IQCE: variants seen among roughly 807,000 people sequenced by gnomAD.
The protein encoded by IQCE is IQ motif containing E, also known as IQ domain-containing protein E.
Under a neutral mutation model 96.0 loss-of-function variants are expected in IQCE, and 115 were observed. That is an observed-to-expected ratio of 1.20 (90% confidence interval 1.03 to 1.40). IQCE has a LOEUF of 1.40. Ranked by LOEUF, IQCE falls within the 40% of genes most tolerant of loss-of-function variation. The pLI is 0.00. For missense variants in IQCE, 1,041 were observed against 909.1 expected, an observed-to-expected ratio of 1.15 and a Z score of -1.87; for synonymous variants, 412 against 371.2, an observed-to-expected ratio of 1.11 and a Z score of -1.26.
At chr7:2,596,892 T>A in intron 16 of IQCE, 1 of 442,820 alleles carries the variant, frequency 2.3e-6, no homozygotes, top group Admixed American at 2.5e-5. Context: ...AGCAACTTGT[T>A]GCCACAGCTA....
At chr7:2,577,360 G>A (rs1782218696) in intron 6 of IQCE, among the ~76,000 whole-genome samples, 2 of 144,244 alleles carry the variant, frequency 1.4e-5, no homozygotes, top group African/African-American at 4.9e-5. Context: ...CTGTGCGCGC[G>A]GGGACGTGTG....
intron 16 of IQCE, among the ~76,000 whole-genome samples, chr7:2,595,500 G>T (rs1783956852): frequency 6.7e-6 from 1 of 149,446 alleles, no homozygotes; most frequent in South Asian, 2.1e-4. Context: ...CCCGGCAGGT[G>T]AGCAGGGACC....
At chr7:2,577,570 T>A (rs1444701973) in intron 6 of IQCE, among the ~76,000 whole-genome samples, 5 of 130,980 alleles carry the variant, frequency 3.8e-5, no homozygotes, top group African/African-American at 1.5e-4. Context: ...CGCGGGGACG[T>A]GTGTGCGGCG....
At chr7:2,607,462 T>G (rs569697269) in intron 21 of IQCE, 1 of 1,310,824 alleles carries the variant, frequency 7.6e-7, no homozygotes, top group Admixed American at 4.0e-5. Context: ...GCTGTCTTTA[T>G]TTTTTGCTCT....
intron 8 of IQCE, among the ~76,000 whole-genome samples, chr7:2,578,739 G>A (rs1159868105): frequency 6.6e-6 from 1 of 152,178 alleles, no homozygotes; most frequent in Admixed American, 6.5e-5. Context: ...AGACACTGTA[G>A]GAAAAACCCA....
At chr7:2,591,347 A>G (rs2128459600) in intron 14 of IQCE, among the ~76,000 whole-genome samples, 1 of 152,042 alleles carries the variant, frequency 6.6e-6, no homozygotes, top group South Asian at 2.1e-4. Flanking sequence ...CTGGAGTTCC[A>G]TGACCTGTGG....
chr7:2,564,769 G>A (rs1043811155), intron 1 of IQCE, among the ~76,000 whole-genome samples: 2 of 152,142 alleles, frequency 1.3e-5, no homozygotes, highest in Non-Finnish European at 2.9e-5. Flanking sequence ...TGTGTATTGT[G>A]CTGTTGTTGA....
chr7:2,600,073 C>T (rs1428436407), intron 17 of IQCE, among the ~76,000 whole-genome samples: 4 of 151,884 alleles, frequency 2.6e-5, no homozygotes, highest in South Asian at 2.1e-4. Context: ...GGATTATAGG[C>T]GTGAGCCACT....
intron 1 of IQCE, among the ~76,000 whole-genome samples, chr7:2,560,955 CAAAA>C (rs746886884): frequency 2.7e-4 from 16 of 58,786 alleles, no homozygotes; most frequent in African/African-American, 8.5e-4. Context: ...GACTCTGTCT[CAAAA>C]AAAAAAAAAA....
chr7:2,594,915 T>C lies in IQCE; in HGVS notation c.1379T>C (p.Leu460Pro). 6.2e-7 allele frequency: 1 copy of C among 1,613,800 alleles called. No individual in the cohort carries two copies. Among genetic ancestry groups the C allele is most frequent in the Non-Finnish European group, 8.5e-7 (1 of 1,179,744 alleles). Residue 460 changes from leucine to proline, a missense_variant, in exon 16 of 22, where the codon CTC (leucine) becomes CCC (proline). Leu to Pro is a moderately conservative substitution (Grantham distance 98). Coordinates refer to ENST00000402050, the MANE Select transcript of IQCE (RefSeq NM_152558.5). The stretch of plus-strand genomic sequence containing the variant: ...GAGATTCAGACACTTACCAGCAAGC[T>C]CCAAGAATTGCAAGAAATGAAGAAA... The part of the protein sequence containing the change: ...REEIQTLTSK[L>P]QELQEMKKEE...
intron 1 of IQCE, among the ~76,000 whole-genome samples, chr7:2,565,799 AT>A (rs1219711631): frequency 2.6e-5 from 4 of 152,246 alleles, no homozygotes; most frequent in African/African-American, 9.6e-5. Flanking sequence ...GATATAAAAA[AT>A]GATATAAAAA....
In IQCE at chr7:2,575,683, C is replaced by T. The variant is rs75036051; in HGVS notation, c.465+2195C>T. On this transcript the variant is annotated intron_variant, in intron 6 of 21. Coordinates refer to ENST00000402050, the MANE Select transcript of IQCE (RefSeq NM_152558.5). The stretch of plus-strand genomic sequence containing the variant: ...TCCTGCCTGTCGGTTTCTGCCTTGT[C>T]GGTCTGCTCCTCTCCCTGACCTCTG... Among the ~76,000 whole-genome samples the T allele has an allele frequency of 5.3e-4, 81 of 152,276 alleles. 1 individual carries two copies. The East Asian group carries it at 0.012, about 23-fold the overall frequency.
In IQCE at chr7:2,565,510, T is replaced by G. The variant is rs568890771; in HGVS notation, c.37-1606T>G. Reference sequence around the variant, plus strand: ...AGGTCATTCAAAAAGTCTTCAAGATTTTATTCACAGCAAGGAATAATGACA... The same window carrying G: ...AGGTCATTCAAAAAGTCTTCAAGATGTTATTCACAGCAAGGAATAATGACA... On this transcript the variant is annotated intron_variant, in intron 1 of 21. Coordinates refer to ENST00000402050, the MANE Select transcript of IQCE (RefSeq NM_152558.5). 5.3e-5 allele frequency among the ~76,000 whole-genome samples: 8 copies of G among 152,286 alleles called. No individual in the cohort carries two copies. The South Asian group carries it at 1.7e-3, about 32-fold the overall frequency.
At chr7:2,591,405 C>T (rs1783576378) in intron 14 of IQCE, among the ~76,000 whole-genome samples, 1 of 152,124 alleles carries the variant, frequency 6.6e-6, no homozygotes, top group Non-Finnish European at 1.5e-5. Context: ...TTGATAGCTC[C>T]TCAGGGCTCG....
At chr7:2,559,831 A>G (rs1013409949) in intron 1 of IQCE, among the ~76,000 whole-genome samples, 3 of 141,246 alleles carry the variant, frequency 2.1e-5, no homozygotes, top group African/African-American at 7.9e-5. Flanking sequence ...TCAGAAAGTG[A>G]GAAGTGCTGT....
chr7:2,563,483 C>T (rs895835307), intron 1 of IQCE, among the ~76,000 whole-genome samples: 3 of 151,774 alleles, frequency 2.0e-5, no homozygotes, highest in East Asian at 1.9e-4. Context: ...GCCGGGATTA[C>T]AGGTGTGAGC....
At chr7:2,561,444 GGAGTCTTGCTCTGT>G (rs1780948509) in intron 1 of IQCE, among the ~76,000 whole-genome samples, 3 of 132,324 alleles carry the variant, frequency 2.3e-5, no homozygotes, top group Non-Finnish European at 4.8e-5. Flanking sequence ...TTTTTGAGAT[GGAGTCTTGCTCTGT>G]TGCCCAGGCT....
chr7:2,595,558 G>A (rs1006327991), intron 16 of IQCE, among the ~76,000 whole-genome samples: 1 of 152,206 alleles, frequency 6.6e-6, no homozygotes, highest in Non-Finnish European at 1.5e-5. Context: ...GTGTGTGGAC[G>A]CTACCCGGGG....
chr7:2,578,282 C>A lies in IQCE; in HGVS notation c.506C>A (p.Thr169Lys), dbSNP rs555990190. The A allele has an allele frequency of 5.0e-6, 8 of 1,613,746 alleles. No homozygotes were observed. Among genetic ancestry groups the A allele is most frequent in the Non-Finnish European group, 6.8e-6 (8 of 1,179,934 alleles). The change falls in exon 7 of 22, where the codon ACG (threonine) becomes AAG (lysine). Residue 169 changes from threonine to lysine, a missense_variant. By Grantham distance (78) the Thr-to-Lys change is moderately conservative. Coordinates refer to ENST00000402050, the MANE Select transcript of IQCE (RefSeq NM_152558.5). ...VQKSDVDLMR[T>K]KLRRLEEENS... ...AAGAGCGACGTGGACCTGATGAGAA[C>A]GAAGCTCCGGCGCCTGGAGGAGGAA...
Sources: allele counts gnomAD v4.1 joint callset (sites outside exome capture counted in the v4.1 genomes callset), GRCh38; gene constraint gnomAD v4.1.1; transcripts MANE v1.5; gene names NCBI Gene and HGNC (gene_info 2026-07-23, HGNC 2026-07-21).